UNC5D: variants seen among roughly 807,000 people sequenced by gnomAD.
UNC5D encodes netrin receptor UNC5D.
In UNC5D, 39 loss-of-function variants were observed where a neutral mutation model predicts 105.4. The ratio of observed to expected loss-of-function variants is 0.37; its 90% confidence interval spans 0.29 to 0.48. The LOEUF (loss-of-function observed/expected upper bound fraction) is 0.48. UNC5D is among the 20% of genes least tolerant of loss of function. The pLI, the probability that UNC5D is intolerant of heterozygous loss-of-function variation, is 0.98. For synonymous variants in UNC5D, 452 were observed against 450.4 expected, an observed-to-expected ratio of 1.00 and a Z score of -0.04; for missense variants, 991 against 1,202.4, an observed-to-expected ratio of 0.82 and a Z score of 2.60.
chr8:35,784,625 G>A (rs980433715), intron 16 of UNC5D, among the ~76,000 whole-genome samples: 1 of 152,030 alleles, frequency 6.6e-6, no homozygotes, highest in African/African-American at 2.4e-5. Flanking sequence ...GCACACACCT[G>A]TAATCCCTGC....
chr8:35,364,493 G>T (rs1000137192), intron 1 of UNC5D, among the ~76,000 whole-genome samples: 1 of 152,076 alleles, frequency 6.6e-6, no homozygotes, highest in Non-Finnish European at 1.5e-5. Context: ...TCTGACCCTG[G>T]AATTAGGGTG....
At chr8:35,656,789 C>T (rs1402145937) in intron 4 of UNC5D, among the ~76,000 whole-genome samples, 1 of 151,974 alleles carries the variant, frequency 6.6e-6, no homozygotes, top group African/African-American at 2.4e-5. Context: ...GCTTTAGCAG[C>T]ACAGTTCAGG....
chr8:35,394,312 C>T (rs555549435), intron 1 of UNC5D, among the ~76,000 whole-genome samples: 2 of 152,050 alleles, frequency 1.3e-5, no homozygotes, highest in Admixed American at 1.3e-4. Flanking sequence ...CAGTAAAATT[C>T]TATTTGTGGT....
chr8:35,720,376 C>T (rs1186202024), intron 8 of UNC5D, among the ~76,000 whole-genome samples: 1 of 152,158 alleles, frequency 6.6e-6, no homozygotes, highest in Non-Finnish European at 1.5e-5. Context: ...GGTGTGTTCT[C>T]CCCAGCTACA....
At chr8:35,607,329 A>G (rs1249216686) in intron 4 of UNC5D, among the ~76,000 whole-genome samples, 1 of 152,146 alleles carries the variant, frequency 6.6e-6, no homozygotes, top group Non-Finnish European at 1.5e-5. Flanking sequence ...AATTACCACC[A>G]CTGAGGAGGC....
chr8:35,261,978 G>C (rs1205995775), intron 1 of UNC5D, among the ~76,000 whole-genome samples: 1 of 152,066 alleles, frequency 6.6e-6, no homozygotes, highest in Non-Finnish European at 1.5e-5. Context: ...GTAGTTGTCT[G>C]GGTTTCTTGA....
rs147369516 is a variant in UNC5D, at chr8:35,726,284, C to T, written c.1436C>T (p.Ser479Leu). ...MTESSLFNPL[S>L]DIKVKVQSSF... ...GAGTCCTCACTCTTTAACCCTTTGT[C>T]GGACATCAAAGTGAAAGTCCAGAGC... Residue 479 changes from serine to leucine, a missense_variant, in exon 10 of 17, where the codon TCG becomes TTG. Physicochemically the swap from Ser to Leu is moderately radical, Grantham distance 145. Around this residue, in one of 3 missense-constraint regions of UNC5D, gnomAD observed 944 missense variants for 1,131.6 expected, o/e 0.83. Coordinates refer to ENST00000404895, the MANE Select transcript of UNC5D (RefSeq NM_080872.4). The T allele has an allele frequency of 6.8e-6, 11 of 1,613,876 alleles. 1 individual carries two copies. The highest frequency in any genetic ancestry group is 4.4e-5 in the South Asian group (4 of 91,078).
chr8:35,485,866 T>C (rs1217255405), intron 1 of UNC5D, among the ~76,000 whole-genome samples: 1 of 152,186 alleles, frequency 6.6e-6, no homozygotes, highest in African/African-American at 2.4e-5. Context: ...GATCGAAGAA[T>C]GTTTCTTCCA....
chr8:35,428,756 A>C (rs1806427479), intron 1 of UNC5D, among the ~76,000 whole-genome samples: 2 of 152,026 alleles, frequency 1.3e-5, no homozygotes, highest in Admixed American at 1.3e-4. Context: ...CTGAAGCCAA[A>C]CCAAAAGAAA....
At chr8:35,742,545 T>C (rs1371728867) in intron 11 of UNC5D, among the ~76,000 whole-genome samples, 2 of 152,030 alleles carry the variant, frequency 1.3e-5, no homozygotes, top group Admixed American at 6.6e-5. Flanking sequence ...GTAAAGGTGA[T>C]CAAACCTACA....
intron 1 of UNC5D, among the ~76,000 whole-genome samples, chr8:35,290,845 G>A (rs1279115033): frequency 2.6e-5 from 4 of 151,842 alleles, no homozygotes; most frequent in African/African-American, 4.8e-5. Flanking sequence ...CTACTCAGGA[G>A]GCTGAGGCAG....
At position 35,667,438 on chromosome 8, in the gene UNC5D, C is replaced by T. The variant is rs184788615; in HGVS notation, c.571-16109C>T. On this transcript the variant is annotated intron_variant, in intron 4 of 16. Transcript: ENST00000404895. ...GTCTGGAGGATCTCAATACAGGAAACTGACTTCTTTGTCCTGGAACTAAAA... is the reference window on the plus strand; with the variant it reads ...GTCTGGAGGATCTCAATACAGGAAATTGACTTCTTTGTCCTGGAACTAAAA... Among the ~76,000 whole-genome samples, 10 of 152,272 alleles carry T rather than the reference C, an allele frequency of 6.6e-5. 1 individual carries two copies. In the East Asian group the frequency reaches 1.5e-3, roughly 23 times the overall value.
chr8:35,681,093 G>C (rs1167521209), intron 4 of UNC5D, among the ~76,000 whole-genome samples: 1 of 152,152 alleles, frequency 6.6e-6, no homozygotes, highest in Non-Finnish European at 1.5e-5. Context: ...TACAGTAAGT[G>C]TTACACCTTA....
At chr8:35,428,369 T>TTTTG (rs1806389384) in intron 1 of UNC5D, among the ~76,000 whole-genome samples, 1 of 147,954 alleles carries the variant, frequency 6.8e-6, no homozygotes, top group African/African-American at 2.5e-5. Flanking sequence ...TTTTTTTTTT[T>TTTTG]GAGACAGGGT....
In UNC5D at chr8:35,793,200, T is replaced by C; in HGVS notation, c.*2637T>C. On this transcript the variant is annotated 3_prime_UTR_variant, in exon 17 of 17. Transcript: ENST00000404895. ...ATTCTGTGGTCACTGCATGTCAGGATTGCACAGTATGTTACAATACAATTT... is the reference window on the plus strand; with the variant it reads ...ATTCTGTGGTCACTGCATGTCAGGACTGCACAGTATGTTACAATACAATTT... 1 of 455,642 alleles carries C rather than the reference T, an allele frequency of 2.2e-6. No homozygotes were observed. The highest frequency in any genetic ancestry group is 4.4e-6 in the Non-Finnish European group (1 of 226,510). 28.2% of individuals were successfully genotyped at this position (455,642 alleles called of 1,614,324 possible).
At chr8:35,688,146 A>AT (rs1563670759) in intron 7 of UNC5D, among the ~76,000 whole-genome samples, 4 of 144,684 alleles carry the variant, frequency 2.8e-5, no homozygotes. Context: ...ACAAAAAAAA[A>AT]CAAAACAACA....
rs568184786 is a variant in UNC5D, at chr8:35,241,792, T to G, written c.103+5905T>G. Among the ~76,000 whole-genome samples the G allele has an allele frequency of 6.2e-4, 95 of 152,310 alleles. 1 individual carries two copies. The highest frequency in any genetic ancestry group is 2.2e-3 in the African/African-American group (91 of 41,572). On this transcript the variant is annotated intron_variant, in intron 1 of 16. Transcript: ENST00000404895. Reference sequence around the variant, plus strand: ...GTAAAGATCAAATCAGTGTACTGGGTTATCTATCACCTTTTGATATTTATC... The same window carrying G: ...GTAAAGATCAAATCAGTGTACTGGGGTATCTATCACCTTTTGATATTTATC...
chr8:35,643,572 G>A (rs548370009), intron 4 of UNC5D, among the ~76,000 whole-genome samples: 3 of 152,166 alleles, frequency 2.0e-5, no homozygotes, highest in Middle Eastern at 3.4e-3. Context: ...CAGAGACAGC[G>A]TTCCACCATA....
At chr8:35,330,940 T>C (rs1810579775) in intron 1 of UNC5D, among the ~76,000 whole-genome samples, 1 of 152,192 alleles carries the variant, frequency 6.6e-6, no homozygotes, top group Non-Finnish European at 1.5e-5. Flanking sequence ...AGACCACAAA[T>C]GTGATGCAGC....
Sources: allele counts gnomAD v4.1 joint callset (sites outside exome capture counted in the v4.1 genomes callset), GRCh38; gene constraint gnomAD v4.1.1; regional missense constraint gnomAD v4.1.1; transcripts MANE v1.5; gene names NCBI Gene and HGNC (gene_info 2026-07-23, HGNC 2026-07-21).